OFD1: variants seen among roughly 807,000 people sequenced by gnomAD.
OFD1 encodes the protein centriole and centriolar satellite protein OFD1.
Under a neutral mutation model 81.4 loss-of-function variants are expected in OFD1, and 12 were observed. That is an observed-to-expected ratio of 0.15 (90% CI 0.09 to 0.24). The LOEUF (loss-of-function observed/expected upper bound fraction) is 0.24. Among genes scored for constraint, OFD1 ranks in the 10% least tolerant of loss-of-function variants. The pLI is 1.00. For synonymous variants in OFD1, 256 were observed against 263.7 expected (o/e 0.97, Z 0.28); for missense variants, 685 against 733.9 (o/e 0.93, Z 0.77).
intron 3 of OFD1, among the ~76,000 whole-genome samples, chrX:13,737,277 ATTAT>A (rs1307934106): frequency 1.4e-4 from 15 of 110,442 alleles, no homozygotes; most frequent in Admixed American, 1.1e-3. Flanking sequence ...TACTTTTCTA[ATTAT>A]TTTAACTATA....
chrX:13,770,912 A>G (rs2048283777), downstream of OFD1: 1 of 112,834 alleles, frequency 8.9e-6, no homozygotes, highest in Admixed American at 9.4e-5. Context: ...AAAGAAAGAT[A>G]GGATTTATGT....
chrX:13,726,787 C>A, the OFD1 span, among the ~76,000 whole-genome samples: 1 of 111,543 alleles, frequency 9.0e-6, no homozygotes, highest in Non-Finnish European at 1.9e-5. Context: ...GGACTAAATG[C>A]TCCAATTAAA....
At chrX:13,748,456 A>G (rs912997187) in intron 8 of OFD1, among the ~76,000 whole-genome samples, 6 of 112,600 alleles carry the variant, frequency 5.3e-5, no homozygotes, top group Non-Finnish European at 7.5e-5. Context: ...TCATTCCTGC[A>G]TCAGTCTTTA....
rs2047873725 is a variant in OFD1 at position 13,760,198 on chromosome X, C to T, written c.1738C>T (p.Pro580Ser). ...TGGATTAATAAATGGCAATGTGGTGCCTTGCAATGGTGAGATAAGTGGGGA... is the reference window on the plus strand; with the variant it reads ...TGGATTAATAAATGGCAATGTGGTGTCTTGCAATGGTGAGATAAGTGGGGA... ...VNGLINGNVVPCNGEISGDFL... is the reference protein window; with the variant it reads ...VNGLINGNVVSCNGEISGDFL... Residue 580 changes from proline to serine, a missense_variant, in exon 16 of 23, where the codon CCT becomes TCT. Pro to Ser is a moderately conservative substitution (Grantham distance 74). This residue lies in a region of OFD1 where 414 missense variants were observed against 447.2 expected (regional missense o/e 0.93). Transcript: ENST00000340096. 2 of 1,211,473 alleles carry T rather than the reference C, an allele frequency of 1.7e-6. No individual in the cohort carries two copies. The highest frequency in any genetic ancestry group is 2.2e-6 in the Non-Finnish European group (2 of 895,318).
intron 14 of OFD1, 109 bp downstream of exon 14, chrX:13,757,899 A>T: frequency 1.1e-6 from 1 of 896,665 alleles, no homozygotes; most frequent in Non-Finnish European, 1.6e-6. Flanking sequence ...AACATCAAAC[A>T]TTACTCCCCC....
At chrX:13,731,484 T>C (rs1019624542), upstream of OFD1, among the ~76,000 whole-genome samples, 1 of 112,469 alleles carries the variant, frequency 8.9e-6, no homozygotes, top group African/African-American at 3.2e-5. Context: ...GGAGATACGG[T>C]AGGTAAACAG....
chrX:13,768,701 C>T lies in OFD1; in HGVS notation c.2929-17C>T, dbSNP rs2147088855. 2 of 1,192,733 alleles carry T rather than the reference C, an allele frequency of 1.7e-6. No individual in the cohort carries two copies. Among genetic ancestry groups the T allele is most frequent in the Admixed American group, 2.2e-5 (1 of 45,922 alleles). On this transcript the variant is annotated splice_polypyrimidine_tract_variant and intron_variant, in intron 21 of 22. Transcript: ENST00000340096. Reference sequence around the variant, plus strand: ...CATATCTAATTTCAAAATTTTCCACCCTCTCCATGTAATCAGAGCTCAAAA... The same window carrying T: ...CATATCTAATTTCAAAATTTTCCACTCTCTCCATGTAATCAGAGCTCAAAA...
chrX:13,735,100 C>A lies in OFD1; in HGVS notation c.12+17C>A. On this transcript the variant is annotated intron_variant, in intron 1 of 22. Transcript: ENST00000340096. ...ATGGCGCAGGTAGACACACCTGCCC[C>A]TTCTCGGGCGGAAATAAAGTCTTGT... 1 of 1,204,559 alleles carries A rather than the reference C, an allele frequency of 8.3e-7. No individual in the cohort carries two copies. Among genetic ancestry groups the A allele is most frequent in the East Asian group, 3.0e-5 (1 of 33,682 alleles).
In OFD1 at chrX:13,736,690, C is replaced by G. The variant is rs369745391; in HGVS notation, c.312+12C>G. 8.5e-7 allele frequency: 1 copy of G among 1,174,447 alleles called. No individual in the cohort carries two copies. The highest frequency in any genetic ancestry group is 1.8e-5 in the African/African-American group (1 of 56,458). Reference sequence around the variant, plus strand: ...TGGCAAAAGAAAAGGTAAAGTCTTTCCTTTTCTGTTTCTGAAGTTTTTATT... The same window carrying G: ...TGGCAAAAGAAAAGGTAAAGTCTTTGCTTTTCTGTTTCTGAAGTTTTTATT... On this transcript the variant is annotated intron_variant, in intron 3 of 22. Transcript: ENST00000340096.
At position 13,740,486 on chromosome X, in the gene OFD1, A is replaced by G. The variant is rs186909112; in HGVS notation, c.412+1454A>G. On this transcript the variant is annotated intron_variant, in intron 5 of 22. Transcript: ENST00000340096. ...ACTTCAAAAGGAAATTTGTGGCTTG[A>G]AGGGATATTAAGAAATAATCTATGG... Among the ~76,000 whole-genome samples, 661 of 112,037 alleles carry G rather than the reference A, an allele frequency of 5.9e-3. 6 individuals carry two copies. Among genetic ancestry groups the G allele is most frequent in the African/African-American group, 0.02 (620 of 30,816 alleles).
chrX:13,755,924 GA>G (rs1404632722), intron 12 of OFD1, among the ~76,000 whole-genome samples: 2 of 100,487 alleles, frequency 2.0e-5, no homozygotes, highest in East Asian at 3.1e-4. Context: ...ACATTTTACA[GA>G]ATCTTTTTTC....
In OFD1 at chrX:13,757,649, T is replaced by TA. The variant is rs2047760739; in HGVS notation, c.1412-10dup. On this transcript the variant is annotated splice_polypyrimidine_tract_variant and intron_variant, in intron 13 of 22. Transcript: ENST00000340096. ...ATGACTAGGATTTTTTTTTTTTTTT[T>TA]ACCTTCTTAGGCCTAGCTCAGCCGG... The TA allele has an allele frequency of 8.4e-7, 1 of 1,187,154 alleles. No individual in the cohort carries two copies. The highest frequency in any genetic ancestry group is 1.1e-6 in the Non-Finnish European group (1 of 885,062).
rs761400373 is a variant in OFD1 at position 13,767,118 on chromosome X, TC to T, written c.2600-7del. The T allele has an allele frequency of 3.0e-5, 36 of 1,200,873 alleles. No individual in the cohort carries two copies. Among genetic ancestry groups the T allele is most frequent in the Non-Finnish European group, 3.7e-5 (33 of 887,997 alleles). On this transcript the variant is annotated splice_polypyrimidine_tract_variant and splice_region_variant and intron_variant, in intron 19 of 22. Coordinates refer to ENST00000340096, the MANE Select transcript of OFD1 (RefSeq NM_003611.3). The stretch of plus-strand genomic sequence containing the variant: ...ACTGGAAGCTACTCTTTATTTTCTG[TC>T]CTATTAGGTGTAGATCAGAAACAAA...
At chrX:13,773,133 A>G, downstream of OFD1, 1 of 655,817 alleles carries the variant, frequency 1.5e-6, no homozygotes, top group Non-Finnish European at 2.3e-6. Flanking sequence ...GCGAAGGTTA[A>G]TTCTGTATTA....
At chrX:13,715,082 A>G in the OFD1 span, among the ~76,000 whole-genome samples, 3 of 112,849 alleles carry the variant, frequency 2.7e-5, no homozygotes, top group African/African-American at 9.7e-5. Flanking sequence ...AGAGGGCTAA[A>G]TATTACTTAC....
chrX:13,760,642 G>A lies in OFD1; in HGVS notation c.2182G>A (p.Gly728Ser), dbSNP rs751087017. ...CAGTGCAGCCTCGAGGCTCCGCGGGGGCACTTCCTCCAGACGCCTCTCTTC... is the reference window on the plus strand; with the variant it reads ...CAGTGCAGCCTCGAGGCTCCGCGGGAGCACTTCCTCCAGACGCCTCTCTTC... ...TGSAASRLRGGTSSRRLSSTP... is the reference protein window; with the variant it reads ...TGSAASRLRGSTSSRRLSSTP... Residue 728 changes from glycine (G) to serine (S), a missense_variant, in exon 16 of 23, where the codon GGC becomes AGC. Around this residue, in one of 3 missense-constraint regions of OFD1, gnomAD observed 259 missense variants for 254.4 expected, o/e 1.02. Transcript: ENST00000340096. The A allele has an allele frequency of 7.4e-6, 9 of 1,209,407 alleles. No individual in the cohort carries two copies. Among genetic ancestry groups the A allele is most frequent in the Admixed American group, 6.5e-5 (3 of 45,824 alleles).
chrX:13,746,560 T>TGG, intron 7 of OFD1, 105 bp downstream of exon 7: 1 of 995,541 alleles, frequency 1.0e-6, no homozygotes, highest in East Asian at 3.1e-5. Context: ...TAATAACGAA[T>TGG]GGGATACTGT....
At chrX:13,765,328 C>G (rs1345680926) in intron 19 of OFD1, among the ~76,000 whole-genome samples, 1 of 110,864 alleles carries the variant, frequency 9.0e-6, no homozygotes, top group Non-Finnish European at 1.9e-5. Flanking sequence ...AAGCAGCTCA[C>G]TCTTCCTCTT....
chrX:13,728,819 T>C, the OFD1 span, among the ~76,000 whole-genome samples: 3 of 112,142 alleles, frequency 2.7e-5, no homozygotes. Context: ...TTGTCCCTGT[T>C]TGCAGATGAC....
Sources: gnomAD v4.1 joint callset for allele counts (sites outside exome capture counted in the v4.1 genomes callset) on GRCh38, gnomAD v4.1.1 for gene constraint, gnomAD v4.1.1 regional missense constraint, MANE v1.5 for transcripts, NCBI Gene and HGNC (gene_info 2026-07-23, HGNC 2026-07-21) for gene names.